The following COL24A1 variants were observed in gnomAD, a reference collection of about 807,000 sequenced individuals.
COL24A1 encodes the protein collagen type XXIV alpha 1 chain.
In COL24A1, 224 loss-of-function variants were observed where a neutral mutation model predicts 253.9. The observed-to-expected ratio is 0.88, with a 90% CI of 0.79 to 0.99. COL24A1 has a LOEUF of 0.99. COL24A1 is among the 50% of genes least tolerant of loss of function. The pLI is 0.00. For synonymous variants in COL24A1, 685 were observed against 673.7 expected, an observed-to-expected ratio of 1.02 and a Z score of -0.26; for missense variants, 2,131 against 2,068.5, an observed-to-expected ratio of 1.03 and a Z score of -0.59.
At chr1:85,892,256 G>T (rs1260276257) in intron 31 of COL24A1, among the ~76,000 whole-genome samples, 1 of 151,808 alleles carries the variant, frequency 6.6e-6, no homozygotes, top group Non-Finnish European at 1.5e-5. Flanking sequence ...TATAACTGTG[G>T]ACTACTTATC....
At chr1:85,871,951 A>G (rs537387893) in intron 35 of COL24A1, among the ~76,000 whole-genome samples, 1 of 152,320 alleles carries the variant, frequency 6.6e-6, no homozygotes, top group South Asian at 2.1e-4. Context: ...AGAAAACCCC[A>G]TCGTTTCAGC....
chr1:85,801,918 T>G (rs1671467761), intron 47 of COL24A1, among the ~76,000 whole-genome samples: 1 of 152,188 alleles, frequency 6.6e-6, no homozygotes, highest in Non-Finnish European at 1.5e-5. Flanking sequence ...TTGTGCAAGT[T>G]AGAAATTTGG....
chr1:85,966,799 G>A (rs1360330710), intron 22 of COL24A1, among the ~76,000 whole-genome samples: 1 of 152,146 alleles, frequency 6.6e-6, no homozygotes, highest in African/African-American at 2.4e-5. Context: ...GGGAACAAAT[G>A]TGGTTTAAGC....
chr1:86,049,572 T>C (rs904881551), intron 11 of COL24A1, among the ~76,000 whole-genome samples: 28 of 152,146 alleles, frequency 1.8e-4, no homozygotes, highest in African/African-American at 6.8e-4. Context: ...ACAGATTGCA[T>C]ATAGCACTGA....
intron 47 of COL24A1, among the ~76,000 whole-genome samples, chr1:85,813,552 T>G (rs1382363883): frequency 2.7e-4 from 16 of 60,350 alleles, no homozygotes; most frequent in Non-Finnish European, 6.8e-4. Flanking sequence ...TTTTTTTTTT[T>G]TTTTTTTTTT....
intron 3 of COL24A1, among the ~76,000 whole-genome samples, chr1:86,119,991 A>G (rs895081539): frequency 1.3e-5 from 2 of 152,208 alleles, no homozygotes; most frequent in Non-Finnish European, 2.9e-5. Flanking sequence ...AACACCACAC[A>G]TCTACAACTA....
chr1:85,761,467 C>T (rs1357056482), intron 54 of COL24A1, 45 bp from the exon 55 acceptor site: 2 of 1,613,714 alleles, frequency 1.2e-6, no homozygotes, highest in Non-Finnish European at 1.7e-6. Flanking sequence ...ATTTAGTAGA[C>T]ATCTTAAACC....
intron 53 of COL24A1, among the ~76,000 whole-genome samples, chr1:85,775,015 T>G (rs1251407287): frequency 6.6e-6 from 1 of 152,230 alleles, no homozygotes; most frequent in African/African-American, 2.4e-5. Context: ...TTTAGTGCTA[T>G]AAATTTCCCT....
rs1651838732 is a variant in COL24A1, at chr1:86,146,116, T to C, written c.121+3A>G. ...CAAATAAATTAAAAGGTAATTTTCTTACCTTGTTCTTGTGCATGAACAACC... is the reference window on the plus strand; with the variant it reads ...CAAATAAATTAAAAGGTAATTTTCTCACCTTGTTCTTGTGCATGAACAACC... On this transcript the variant is annotated splice_donor_region_variant and intron_variant, in intron 2 of 59. Transcript: ENST00000370571. 6.2e-7 allele frequency: 1 copy of C among 1,607,304 alleles called. No homozygotes were observed. The highest frequency in any genetic ancestry group is 8.5e-7 in the Non-Finnish European group (1 of 1,176,456).
chr1:86,118,704 G>T (rs1219586575), intron 3 of COL24A1, among the ~76,000 whole-genome samples: 1 of 152,142 alleles, frequency 6.6e-6, no homozygotes, highest in Non-Finnish European at 1.5e-5. Context: ...GGTTAATATG[G>T]TGGACCTAAT....
At chr1:86,047,185 A>C (rs1699973269) in intron 11 of COL24A1, among the ~76,000 whole-genome samples, 2 of 152,176 alleles carry the variant, frequency 1.3e-5, no homozygotes, top group Admixed American at 1.3e-4. Flanking sequence ...CTAGATGAAC[A>C]CGAAGGTCTT....
At chr1:85,878,794 T>C (rs1338805701) in intron 32 of COL24A1, among the ~76,000 whole-genome samples, 1 of 152,206 alleles carries the variant, frequency 6.6e-6, no homozygotes, top group East Asian at 1.9e-4. Flanking sequence ...TGTATAGTGG[T>C]ATGTCATTAT....
intron 6 of COL24A1, among the ~76,000 whole-genome samples, chr1:86,089,679 G>T (rs1037831163): frequency 2.0e-5 from 3 of 152,078 alleles, no homozygotes; most frequent in African/African-American, 7.2e-5. Flanking sequence ...AACTAGCCGG[G>T]CATGGTGTCG....
At position 86,089,520 on chromosome 1, in the gene COL24A1, T is replaced by C. The variant is rs1444754510; in HGVS notation, c.1654-293A>G. Among the ~76,000 whole-genome samples the C allele has an allele frequency of 6.6e-5, 10 of 152,138 alleles. No individual in the cohort carries two copies. The East Asian group carries it at 1.9e-3, about 29-fold the overall frequency. On this transcript the variant is annotated intron_variant, in intron 6 of 59. Coordinates refer to ENST00000370571, the MANE Select transcript of COL24A1 (RefSeq NM_152890.7). ...CGCCTCAGTCCAAGGTCTACCATGT[T>C]TTAAAAATTGAAAGTAGGGCTGGGC...
intron 47 of COL24A1, among the ~76,000 whole-genome samples, chr1:85,812,241 C>T (rs1672626543): frequency 2.0e-5 from 3 of 152,226 alleles, no homozygotes; most frequent in South Asian, 4.1e-4. Context: ...CTGGAAAGCA[C>T]AGACAAAATG....
intron 5 of COL24A1, among the ~76,000 whole-genome samples, chr1:86,104,073 G>A (rs1257211974): frequency 6.6e-6 from 1 of 152,104 alleles, no homozygotes; most frequent in African/African-American, 2.4e-5. Context: ...CAGGGGTTTT[G>A]TTCATTCCTT....
At chr1:85,853,445 A>C (rs1678050243) in intron 37 of COL24A1, among the ~76,000 whole-genome samples, 1 of 152,176 alleles carries the variant, frequency 6.6e-6, no homozygotes, top group African/African-American at 2.4e-5. Flanking sequence ...ATGCGCATGC[A>C]TCTTTATGGT....
intron 47 of COL24A1, among the ~76,000 whole-genome samples, chr1:85,791,137 T>G (rs1199056080): frequency 6.6e-6 from 1 of 152,178 alleles, no homozygotes; most frequent in Non-Finnish European, 1.5e-5. Context: ...GCATCAACAA[T>G]CAATTAAAAA....
At chr1:85,774,946 C>A (rs192050489) in intron 53 of COL24A1, among the ~76,000 whole-genome samples, 113 of 152,202 alleles carry the variant, frequency 7.4e-4, no homozygotes, top group African/African-American at 2.5e-3. Context: ...TTCTCTAGTT[C>A]TTTTAATTGT....
Sources: allele counts gnomAD v4.1 joint callset (sites outside exome capture counted in the v4.1 genomes callset), GRCh38; gene constraint gnomAD v4.1.1; transcripts MANE v1.5; gene names NCBI Gene and HGNC (gene_info 2026-07-23, HGNC 2026-07-21).